The following FRMD4A variants were observed in gnomAD, a reference collection of about 807,000 sequenced individuals.
The protein encoded by FRMD4A is FERM domain containing 4A.
FRMD4A carries 29 observed loss-of-function variants against 129.1 expected under a neutral mutation model. That is an observed-to-expected ratio of 0.22 (90% CI 0.17 to 0.31). The LOEUF (loss-of-function observed/expected upper bound fraction) is 0.31, where lower values mean the gene tolerates loss of function less well. Among genes scored for constraint, FRMD4A ranks in the 10% least tolerant of loss-of-function variants. The pLI is 1.00. For missense variants in FRMD4A, 1,272 were observed against 1,375.8 expected (o/e 0.92, Z 1.19); for synonymous variants, 634 against 571.6 (o/e 1.11, Z -1.56).
intron 2 of FRMD4A, among the ~76,000 whole-genome samples, chr10:14,217,704 C>T (rs538565573): frequency 7.9e-4 from 121 of 152,304 alleles, no homozygotes; most frequent in African/African-American, 2.8e-3. Context: ...GCAACCTAGG[C>T]GCTGGCTCCC....
At chr10:13,684,304 G>C (rs1444175776) in intron 15 of FRMD4A, 1 of 984,106 alleles carries the variant, frequency 1.0e-6, no homozygotes, top group African/African-American at 1.7e-5. Context: ...AGCAGAGAGA[G>C]AGATGGAGTT....
chr10:13,903,586 A>G (rs2094845189), intron 2 of FRMD4A, among the ~76,000 whole-genome samples: 1 of 151,918 alleles, frequency 6.6e-6, no homozygotes, highest in Non-Finnish European at 1.5e-5. Flanking sequence ...TTTAAATAAA[A>G]ATTAGCCAGG....
chr10:14,270,556 G>A (rs992387102), intron 2 of FRMD4A, among the ~76,000 whole-genome samples: 4 of 152,216 alleles, frequency 2.6e-5, no homozygotes, highest in South Asian at 2.1e-4. Flanking sequence ...GAAGTCAGTC[G>A]GCCTGCTGCA....
chr10:14,157,494 T>C (rs1840661479), intron 2 of FRMD4A, among the ~76,000 whole-genome samples: 1 of 152,200 alleles, frequency 6.6e-6, no homozygotes. Context: ...TTTTGAGTCT[T>C]CGTTTTAGAA....
In FRMD4A at chr10:13,789,558, CCACA is replaced by C. The variant is rs3220780; in HGVS notation, c.300-6556_300-6553del. Among the ~76,000 whole-genome samples, 1,125 of 144,776 alleles carry C rather than the reference CCACA, an allele frequency of 7.8e-3. 17 individuals are homozygous for C. The highest frequency in any genetic ancestry group is 0.026 in the African/African-American group (1,018 of 39,236). 95.0% of individuals were successfully genotyped at this position (144,776 alleles called of 152,430 possible). A position where few individuals can be genotyped will look rare whatever the true frequency, so the allele number is the denominator to read the frequency against. On this transcript the variant is annotated intron_variant, in intron 5 of 24. Coordinates refer to ENST00000357447, the MANE Select transcript of FRMD4A (RefSeq NM_018027.5). ...GCACAAAGTTGTGCCTATGAAAAGACCACACACACACACACACACACACACACAC... is the reference window on the plus strand; with the variant it reads ...GCACAAAGTTGTGCCTATGAAAAGACCACACACACACACACACACACACAC...
chr10:14,308,414 G>C (rs1242183398), intron 2 of FRMD4A, among the ~76,000 whole-genome samples: 1 of 150,558 alleles, frequency 6.6e-6, no homozygotes, highest in South Asian at 2.1e-4. Context: ...TTTTTTTCTT[G>C]AGGGAAGTAG....
In FRMD4A at chr10:14,184,300, T is replaced by A. The variant is rs541838821; in HGVS notation, c.45+145758A>T. 2.9e-3 allele frequency among the ~76,000 whole-genome samples: 399 copies of A among 137,948 alleles called. 7 individuals are homozygous for A. Among genetic ancestry groups the A allele is most frequent in the African/African-American group, 0.01 (390 of 37,912 alleles). The allele number at this position is 137,948 out of a possible 152,430, so 90.5% of individuals were successfully genotyped here. A position where few individuals can be genotyped will look rare whatever the true frequency, so the allele number is the denominator to read the frequency against. ...GTGCATACCACCACAACCGGTTAAT[T>A]TTTTTTTTTTTTTTAGTAGAGATGG... On this transcript the variant is annotated intron_variant, in intron 2 of 24. Transcript: ENST00000357447.
chr10:13,976,420 C>T (rs991254940), intron 2 of FRMD4A, among the ~76,000 whole-genome samples: 2 of 152,120 alleles, frequency 1.3e-5, no homozygotes, highest in African/African-American at 4.8e-5. Flanking sequence ...GGTACGGACT[C>T]CCAGCCCCAT....
At chr10:13,800,119 T>A (rs1291526543) in intron 4 of FRMD4A, among the ~76,000 whole-genome samples, 1 of 151,946 alleles carries the variant, frequency 6.6e-6, no homozygotes, top group Admixed American at 6.5e-5. Flanking sequence ...GAGGCAGAGG[T>A]TGCAGTGAGC....
At chr10:13,983,937 A>T (rs1033513783) in intron 2 of FRMD4A, among the ~76,000 whole-genome samples, 1 of 151,044 alleles carries the variant, frequency 6.6e-6, no homozygotes, top group Admixed American at 6.6e-5. Context: ...TGGGAGGCAG[A>T]GGTTGCAGTG....
intron 2 of FRMD4A, among the ~76,000 whole-genome samples, chr10:14,185,309 TAG>T (rs780630529): frequency 2.0e-5 from 3 of 152,320 alleles, no homozygotes; most frequent in Admixed American, 6.5e-5. Flanking sequence ...GATGTAGAGA[TAG>T]AGTCTTTCAT....
chr10:14,152,086 C>T (rs1589084094), intron 2 of FRMD4A, among the ~76,000 whole-genome samples: 1 of 141,382 alleles, frequency 7.1e-6, no homozygotes, highest in South Asian at 2.3e-4. Flanking sequence ...TAAATAAATA[C>T]ATAGCCAAAG....
At chr10:14,041,884 A>G (rs1254871902) in intron 2 of FRMD4A, among the ~76,000 whole-genome samples, 1 of 152,198 alleles carries the variant, frequency 6.6e-6, no homozygotes, top group Non-Finnish European at 1.5e-5. Context: ...TGCTGGTAGA[A>G]GTCAGAACAG....
intron 12 of FRMD4A, among the ~76,000 whole-genome samples, chr10:13,734,668 C>T (rs991541601): frequency 6.6e-6 from 1 of 152,112 alleles, no homozygotes; most frequent in African/African-American, 2.4e-5. Context: ...ACCCAGTTGA[C>T]GCCTGCCTTC....
intron 2 of FRMD4A, among the ~76,000 whole-genome samples, chr10:14,167,816 C>A (rs890695696): frequency 4.6e-5 from 7 of 152,114 alleles, no homozygotes; most frequent in Non-Finnish European, 1.0e-4. Flanking sequence ...AGGATATGCC[C>A]ACAGAGAGGA....
intron 15 of FRMD4A, among the ~76,000 whole-genome samples, chr10:13,679,191 A>G (rs1321213296): frequency 6.6e-6 from 1 of 151,466 alleles, no homozygotes; most frequent in Non-Finnish European, 1.5e-5. Flanking sequence ...TGGGAGGCTG[A>G]GGCAGGTGGG....
intron 2 of FRMD4A, among the ~76,000 whole-genome samples, chr10:13,925,484 T>C (rs1383763646): frequency 6.6e-6 from 1 of 151,950 alleles, no homozygotes; most frequent in African/African-American, 2.4e-5. Context: ...TGCTCTTTAA[T>C]TTTAGTTTCT....
chr10:13,701,847 A>C (rs1453238964), intron 13 of FRMD4A, among the ~76,000 whole-genome samples: 1 of 152,204 alleles, frequency 6.6e-6, no homozygotes, highest in African/African-American at 2.4e-5. Context: ...GCTCCCTATG[A>C]GACAGGAAAT....
intron 2 of FRMD4A, among the ~76,000 whole-genome samples, chr10:14,310,729 T>C (rs953139039): frequency 5.3e-5 from 8 of 152,152 alleles, no homozygotes; most frequent in Non-Finnish European, 1.0e-4. Flanking sequence ...TTGCGCCCTA[T>C]GCAAATGGCA....
Sources: allele counts gnomAD v4.1 joint callset (sites outside exome capture counted in the v4.1 genomes callset), GRCh38; gene constraint gnomAD v4.1.1; transcripts MANE v1.5; gene names NCBI Gene and HGNC (gene_info 2026-07-23, HGNC 2026-07-21).